HACE1: variants seen among roughly 807,000 people sequenced by gnomAD.
The protein encoded by HACE1 is E3 ubiquitin-protein ligase HACE1.
A neutral mutation model predicts 118.4 loss-of-function variants in HACE1; 73 were observed. That is an observed-to-expected ratio of 0.62 (90% CI 0.51 to 0.75). The LOEUF is 0.75. Among genes scored for constraint, HACE1 ranks in the 30% least tolerant of loss-of-function variants. HACE1 has a pLI of 0.00. For missense variants in HACE1, 749 were observed against 1,102.2 expected, an observed-to-expected ratio of 0.68 and a Z score of 4.54; for synonymous variants, 368 against 374.8, an observed-to-expected ratio of 0.98 and a Z score of 0.21.
chr6:104,733,627 T>C (rs545521386), intron 22 of HACE1, among the ~76,000 whole-genome samples: 3 of 151,862 alleles, frequency 2.0e-5, no homozygotes, highest in Non-Finnish European at 4.4e-5. Flanking sequence ...TCGAGGCTGG[T>C]GGATCACTTG....
intron 6 of HACE1, among the ~76,000 whole-genome samples, chr6:104,827,817 A>G (rs1367828453): frequency 2.0e-5 from 3 of 152,170 alleles, no homozygotes; most frequent in Admixed American, 2.0e-4. Flanking sequence ...CTATGATTTT[A>G]GTAAAAAAAT....
At chr6:104,776,872 T>C in intron 16 of HACE1, 44 bp from the exon 17 acceptor site, 1 of 1,445,494 alleles carries the variant, frequency 6.9e-7, no homozygotes. Context: ...AAATATGTTA[T>C]ATTGGGAAAT....
intron 19 of HACE1, 148 bp from the exon 20 acceptor site, chr6:104,750,620 T>G: frequency 1.3e-6 from 1 of 762,540 alleles, no homozygotes; most frequent in South Asian, 1.7e-5. Flanking sequence ...AAGCCACTAT[T>G]CACTAAGCTG....
intron 1 of HACE1, among the ~76,000 whole-genome samples, chr6:104,855,683 G>A (rs1385570997): frequency 1.3e-5 from 2 of 151,892 alleles, no homozygotes; most frequent in Non-Finnish European, 1.5e-5. Flanking sequence ...AGCCTCCCTT[G>A]GCATGACAAC....
chr6:104,737,118 T>C (rs1775934215), intron 22 of HACE1, among the ~76,000 whole-genome samples: 1 of 113,166 alleles, frequency 8.8e-6, no homozygotes, highest in Non-Finnish European at 1.7e-5. Context: ...ACCTCATCTC[T>C]ACTAAAAAAA....
At chr6:104,740,715 A>G (rs533041336) in intron 22 of HACE1, among the ~76,000 whole-genome samples, 72 of 144,896 alleles carry the variant, frequency 5.0e-4, no homozygotes, top group Admixed American at 1.6e-3. Context: ...ATTCACAGCC[A>G]AATTCTACCA....
chr6:104,821,752 T>C (rs1772739953), intron 6 of HACE1, among the ~76,000 whole-genome samples: 1 of 152,208 alleles, frequency 6.6e-6, no homozygotes, highest in African/African-American at 2.4e-5. Flanking sequence ...TATCAAAAAG[T>C]AGGCATTATA....
chr6:104,856,375 G>A (rs1248037579), intron 1 of HACE1, among the ~76,000 whole-genome samples: 1 of 151,700 alleles, frequency 6.6e-6, no homozygotes, highest in Admixed American at 6.6e-5. Flanking sequence ...TAAACAAACT[G>A]CATTCACTAT....
At chr6:104,745,992 A>T (rs2114526420) in intron 20 of HACE1, among the ~76,000 whole-genome samples, 1 of 152,306 alleles carries the variant, frequency 6.6e-6, no homozygotes, top group East Asian at 1.9e-4. Flanking sequence ...GATTATACAC[A>T]AAAGCAGTTG....
At chr6:104,790,028 A>G (rs1782850884) in intron 11 of HACE1, among the ~76,000 whole-genome samples, 1 of 152,076 alleles carries the variant, frequency 6.6e-6, no homozygotes, top group African/African-American at 2.4e-5. Flanking sequence ...ATGAATTACA[A>G]GAATGCATAA....
chr6:104,835,605 A>T (rs1392609577), intron 5 of HACE1, among the ~76,000 whole-genome samples: 1 of 152,182 alleles, frequency 6.6e-6, no homozygotes, highest in African/African-American at 2.4e-5. Context: ...ACATTTAAAT[A>T]ATAGGAGTTG....
chr6:104,839,615 C>T (rs895698880), intron 5 of HACE1, among the ~76,000 whole-genome samples: 6 of 152,236 alleles, frequency 3.9e-5, no homozygotes, highest in East Asian at 3.9e-4. Flanking sequence ...TGAAAACCTA[C>T]CATGTACACA....
intron 20 of HACE1, among the ~76,000 whole-genome samples, chr6:104,745,796 T>C (rs1449698881): frequency 6.6e-6 from 1 of 152,066 alleles, no homozygotes; most frequent in African/African-American, 2.4e-5. Context: ...ATGTCTCCTA[T>C]AGTAAACTAC....
At chr6:104,730,776 T>C (rs1010632235) in intron 22 of HACE1, 3 of 249,102 alleles carry the variant, frequency 1.2e-5, no homozygotes, top group African/African-American at 2.2e-5. Context: ...TCTATATCCC[T>C]GGGGCTAGCA....
At chr6:104,762,688 T>C (rs1779511548) in intron 19 of HACE1, among the ~76,000 whole-genome samples, 1 of 151,858 alleles carries the variant, frequency 6.6e-6, no homozygotes, top group South Asian at 2.1e-4. Context: ...ACCCAGAACT[T>C]AAAGTATAAT....
In HACE1 at chr6:104,852,373, T is replaced by C. The variant is rs200100402; in HGVS notation, c.77-2A>G. 6.6e-7 allele frequency: 1 copy of C among 1,510,320 alleles called. No homozygotes were observed. Among genetic ancestry groups the C allele is most frequent in the Non-Finnish European group, 9.0e-7 (1 of 1,108,814 alleles). 93.6% of individuals were successfully genotyped at this position (1,510,320 alleles called of 1,614,324 possible). ...ATGTATAAACAGCAGTTTCATTATC[T>C]GAGTAAAAAAAAACAAAGAGTTCAT... is the stretch of plus-strand genomic sequence containing the variant. On this transcript the variant is annotated splice_acceptor_variant, in intron 1 of 23. Transcript: ENST00000262903. LOFTEE classifies it high-confidence loss of function.
intron 3 of HACE1, 145 bp from the exon 4 acceptor site, chr6:104,849,391 CAG>C (rs1211363004): frequency 2.8e-5 from 19 of 682,534 alleles, no homozygotes; most frequent in African/African-American, 5.3e-5. Context: ...TGCTGGAGTG[CAG>C]TGGCACCATC....
At position 104,840,301 on chromosome 6, in the gene HACE1, G is replaced by A. The variant is rs75497509; in HGVS notation, c.402+2922C>T. On this transcript the variant is annotated intron_variant, in intron 5 of 23. Transcript: ENST00000262903. ...TGGCTTAACTATGAATAGTTTTCGT[G>A]TACTCAAAAAAATAATAACACACAA... 4.0e-3 allele frequency among the ~76,000 whole-genome samples: 614 copies of A among 152,246 alleles called. 5 individuals are homozygous for A. The highest frequency in any genetic ancestry group is 0.014 in the African/African-American group (595 of 41,546).
In HACE1 at chr6:104,814,585, T is replaced by A. The variant is rs570820495; in HGVS notation, c.535-3192A>T. On this transcript the variant is annotated intron_variant, in intron 6 of 23. Transcript: ENST00000262903. ...ATAAACCATAATAGAAGATATGGAA[T>A]CTAGAATATGGAGATCAAACATGGG... Among the ~76,000 whole-genome samples the A allele has an allele frequency of 1.7e-4, 24 of 138,054 alleles. 6 individuals are homozygous for A. The highest frequency in any genetic ancestry group is 2.5e-4 in the Non-Finnish European group (16 of 64,210). 90.6% of individuals were successfully genotyped at this position (138,054 alleles called of 152,430 possible).
Sources: gnomAD v4.1 joint callset for allele counts (sites outside exome capture counted in the v4.1 genomes callset) on GRCh38, gnomAD v4.1.1 for gene constraint, MANE v1.5 for transcripts, NCBI Gene and HGNC (gene_info 2026-07-23, HGNC 2026-07-21) for gene names.